The following PCLO variants were observed in gnomAD, a reference collection of about 807,000 sequenced individuals.
PCLO encodes protein piccolo.
In PCLO, 82 loss-of-function variants were observed where a neutral mutation model predicts 427.5. That is an observed-to-expected ratio of 0.19 (90% CI 0.16 to 0.23). PCLO has a LOEUF of 0.23. PCLO is among the 10% of genes least tolerant of loss of function. The pLI is 1.00. For missense variants in PCLO, 6,239 were observed against 6,115.9 expected, an observed-to-expected ratio of 1.02 and a Z score of -0.67; for synonymous variants, 2,357 against 2,155.4, an observed-to-expected ratio of 1.09 and a Z score of -2.59.
At chr7:83,129,880 T>C (rs1392906626) in intron 3 of PCLO, among the ~76,000 whole-genome samples, 1 of 152,186 alleles carries the variant, frequency 6.6e-6, no homozygotes, top group Non-Finnish European at 1.5e-5. Flanking sequence ...AAAATTACTT[T>C]TGGCTTAAAT....
rs1201237244 is a variant in PCLO at position 82,909,006 on chromosome 7, A to T, written c.13308T>A (p.His4436Gln). ...QHAMSDSEAY[H>Q]LRREETDWFD... Reference sequence around the variant, plus strand: ...ACCAATCTGTTTCCTCACGACGCAGATGATAGGCTTTGGACACCAAGGAAA... The same window carrying T: ...ACCAATCTGTTTCCTCACGACGCAGTTGATAGGCTTTGGACACCAAGGAAA... Residue 4436 changes from histidine (H) to glutamine (Q), a missense_variant, in exon 8 of 25, where the codon CAT becomes CAA. By Grantham distance (24) the His-to-Gln change is conservative. Around this residue, in one of 5 missense-constraint regions of PCLO, gnomAD observed 877 missense variants for 925.5 expected, o/e 0.95. Transcript: ENST00000333891. 1.9e-6 allele frequency: 3 copies of T among 1,612,412 alleles called. No individual in the cohort carries two copies. The highest frequency in any genetic ancestry group is 1.3e-5 in the African/African-American group (1 of 74,822).
At chr7:82,889,428 T>C (rs1793706641) in intron 9 of PCLO, among the ~76,000 whole-genome samples, 1 of 152,140 alleles carries the variant, frequency 6.6e-6, no homozygotes, top group African/African-American at 2.4e-5. Context: ...TGATATAAAA[T>C]TTGGCTTCTG....
At chr7:83,077,253 T>C (rs1789978699) in intron 3 of PCLO, among the ~76,000 whole-genome samples, 1 of 152,106 alleles carries the variant, frequency 6.6e-6, no homozygotes, top group Non-Finnish European at 1.5e-5. Flanking sequence ...TACTGCTCTA[T>C]TGTTACCTCT....
chr7:82,818,639 C>A (rs1791725319), intron 20 of PCLO, among the ~76,000 whole-genome samples: 1 of 152,034 alleles, frequency 6.6e-6, no homozygotes, highest in South Asian at 2.1e-4. Context: ...ACAATGTATT[C>A]AAAAATTATA....
chr7:82,789,253 C>A (rs1791048728), intron 22 of PCLO, among the ~76,000 whole-genome samples: 1 of 152,128 alleles, frequency 6.6e-6, no homozygotes, highest in South Asian at 2.1e-4. Flanking sequence ...TAATTTTACT[C>A]AGATAAGCTT....
At position 82,952,101 on chromosome 7, in the gene PCLO, C is replaced by T. The variant is rs1438102264; in HGVS notation, c.8852G>A (p.Arg2951Lys). 2 of 1,613,944 alleles carry T rather than the reference C, an allele frequency of 1.2e-6. No individual in the cohort carries two copies. Among genetic ancestry groups the T allele is most frequent in the East Asian group, 2.2e-5 (1 of 44,868 alleles). Reference protein sequence around the residue: ...CDVVYKLPFGRSCTAQQPATT... With the variant: ...CDVVYKLPFGKSCTAQQPATT... The stretch of plus-strand genomic sequence containing the variant: ...TGCAGGCTGCTGTGCTGTGCAGCTC[C>T]TTCCAAATGGTAATTTATAAACCAC... The change falls in exon 5 of 25, where the codon AGG becomes AAG. Residue 2951 changes from arginine (R) to lysine (K), a missense_variant. Arg to Lys is a conservative substitution (Grantham distance 26, BLOSUM62 2). Coordinates refer to ENST00000333891, the MANE Select transcript of PCLO (RefSeq NM_033026.6).
intron 20 of PCLO, chr7:82,820,434 C>A (rs1474809143): frequency 1.1e-6 from 1 of 949,750 alleles, no homozygotes; most frequent in Non-Finnish European, 1.3e-6. Context: ...CTGACACATT[C>A]ATTTTAAGCT....
intron 3 of PCLO, among the ~76,000 whole-genome samples, chr7:83,070,436 A>G (rs372322549): frequency 0.016 from 2,298 of 146,492 alleles, 67 homozygotes; most frequent in African/African-American, 0.054. Flanking sequence ...CACCCAGGCT[A>G]GAGTGCAGTG....
At chr7:82,844,103 GTCTTCAAATA>G (rs1328322016) in intron 13 of PCLO, among the ~76,000 whole-genome samples, 1 of 152,048 alleles carries the variant, frequency 6.6e-6, no homozygotes, top group Non-Finnish European at 1.5e-5. Context: ...AAAAGAAGTT[GTCTTCAAATA>G]TGTTCAAATT....
At chr7:83,050,219 A>AC (rs1789203608) in intron 3 of PCLO, among the ~76,000 whole-genome samples, 2 of 115,950 alleles carry the variant, frequency 1.7e-5, no homozygotes, top group Non-Finnish European at 3.6e-5. Flanking sequence ...AAAAAAAAAA[A>AC]AAAAAAAAAA....
At chr7:83,117,057 T>C (rs923343224) in intron 3 of PCLO, among the ~76,000 whole-genome samples, 2 of 152,184 alleles carry the variant, frequency 1.3e-5, no homozygotes, top group Non-Finnish European at 2.9e-5. Flanking sequence ...ATGGATAAAT[T>C]CAGAGGACAT....
intron 3 of PCLO, among the ~76,000 whole-genome samples, chr7:83,103,411 A>G (rs1790782040): frequency 6.6e-6 from 1 of 151,962 alleles, no homozygotes; most frequent in Non-Finnish European, 1.5e-5. Context: ...ATTTTGACCA[A>G]TAAGACCTTC....
At position 82,970,577 on chromosome 7, in the gene PCLO, T is replaced by C. The variant is rs187805047; in HGVS notation, c.3301-4090A>G. ...AACTGGTGGTCTCATATGTGTCTCT[T>C]CTCTTTTCTGCAGCCCTAGAACCAA... On this transcript the variant is annotated intron_variant, in intron 3 of 24. Coordinates refer to ENST00000333891, the MANE Select transcript of PCLO (RefSeq NM_033026.6). Among the ~76,000 whole-genome samples, 6 of 152,006 alleles carry C rather than the reference T, an allele frequency of 3.9e-5. No individual in the cohort carries two copies. In the East Asian group the frequency reaches 1.2e-3, roughly 29 times the overall value.
chr7:82,833,476 C>T (rs1047712730), intron 16 of PCLO, among the ~76,000 whole-genome samples: 4 of 151,928 alleles, frequency 2.6e-5, no homozygotes, highest in Non-Finnish European at 4.4e-5. Flanking sequence ...CATTTTGCCC[C>T]TCAAAGTTTG....
At chr7:82,765,399 C>T (rs748735696) in intron 22 of PCLO, among the ~76,000 whole-genome samples, 8 of 151,210 alleles carry the variant, frequency 5.3e-5, no homozygotes, top group Non-Finnish European at 1.2e-4. Flanking sequence ...ATAAAGATGT[C>T]CACTAAAATT....
At chr7:82,864,326 A>G (rs1206493758) in intron 10 of PCLO, among the ~76,000 whole-genome samples, 2 of 152,250 alleles carry the variant, frequency 1.3e-5, no homozygotes, top group East Asian at 3.9e-4. Flanking sequence ...GATTACTCCT[A>G]CTATGGAGTA....
chr7:83,046,079 A>T (rs1789097204), intron 3 of PCLO, among the ~76,000 whole-genome samples: 1 of 152,034 alleles, frequency 6.6e-6, no homozygotes, highest in Non-Finnish European at 1.5e-5. Context: ...TCAGTCTGTG[A>T]TGTTTGTACC....
Position 82,956,773 on chromosome 7 carries a change from T to C in PCLO, c.4180A>G (p.Lys1394Glu), listed in dbSNP as rs752886115. The C allele has an allele frequency of 1.2e-6, 2 of 1,613,866 alleles. No individual in the cohort carries two copies. Among genetic ancestry groups the C allele is most frequent in the Non-Finnish European group, 1.7e-6 (2 of 1,179,814 alleles). Residue 1394 changes from lysine (K) to glutamate (E), a missense_variant, in exon 5 of 25, where the codon AAG (lysine) becomes GAG (glutamate). Coordinates refer to ENST00000333891, the MANE Select transcript of PCLO (RefSeq NM_033026.6). ...CTGCTTTCTTGTGAAAAAGAGTCCT[T>C]TTTGAGTCCCTTGAGAATATCCTTT... ...DEKDILKGLK[K>E]DSFSQESSPS...
intron 3 of PCLO, among the ~76,000 whole-genome samples, chr7:83,125,795 A>C (rs991378599): frequency 6.6e-6 from 1 of 152,162 alleles, no homozygotes; most frequent in Non-Finnish European, 1.5e-5. Flanking sequence ...ACCTTTGTTC[A>C]CATGTTTATC....
Sources: gnomAD v4.1 joint callset for allele counts (sites outside exome capture counted in the v4.1 genomes callset) on GRCh38, gnomAD v4.1.1 for gene constraint, gnomAD v4.1.1 regional missense constraint, MANE v1.5 for transcripts, NCBI Gene and HGNC (gene_info 2026-07-23, HGNC 2026-07-21) for gene names.